The following EIF4G3 variants were observed in gnomAD, a reference collection of about 807,000 sequenced individuals.
EIF4G3 encodes the protein eukaryotic translation initiation factor 4 gamma 3.
A neutral mutation model predicts 186.4 loss-of-function variants in EIF4G3; 34 were observed. The observed-to-expected ratio is 0.18, with a 90% CI of 0.14 to 0.24. The LOEUF (loss-of-function observed/expected upper bound fraction) is 0.24. EIF4G3 is among the 10% of genes least tolerant of loss of function. The pLI is 1.00. For missense variants in EIF4G3, 1,536 were observed against 1,948.5 expected (o/e 0.79, Z 3.99); for synonymous variants, 673 against 679.5 (o/e 0.99, Z 0.15).
intron 13 of EIF4G3, among the ~76,000 whole-genome samples, chr1:20,943,968 TTTTTTTTGTGTGTGTG>T (rs2095822045): frequency 1.7e-4 from 2 of 11,952 alleles, no homozygotes; most frequent in Non-Finnish European, 3.6e-4. Context: ...CTTGTCTTTA[TTTTTTTTGTGTGTGTG>T]TGTGTGTGTG....
intron 19 of EIF4G3, among the ~76,000 whole-genome samples, 195 bp downstream of exon 19, chr1:20,886,006 T>C (rs938526298): frequency 2.0e-5 from 3 of 152,114 alleles, no homozygotes; most frequent in African/African-American, 7.2e-5. Context: ...TCTGAAAAAA[T>C]ACACATAAAG....
intron 18 of EIF4G3, among the ~76,000 whole-genome samples, chr1:20,890,558 C>A (rs1036613137): frequency 6.6e-6 from 1 of 152,088 alleles, no homozygotes; most frequent in Non-Finnish European, 1.5e-5. Flanking sequence ...CAGGCTCAGG[C>A]AATCCTCCCA....
intron 20 of EIF4G3, among the ~76,000 whole-genome samples, chr1:20,871,021 A>G (rs1420320363): frequency 1.3e-5 from 2 of 152,206 alleles, no homozygotes; most frequent in African/African-American, 4.8e-5. Flanking sequence ...GGGAAAGCTG[A>G]ATCCATTATA....
At chr1:21,072,638 G>A (rs932719931) in intron 3 of EIF4G3, among the ~76,000 whole-genome samples, 4 of 152,042 alleles carry the variant, frequency 2.6e-5, no homozygotes, top group African/African-American at 4.8e-5. Flanking sequence ...TCCTGACCTC[G>A]TGACCCGCCC....
chr1:21,174,440 C>A (rs2103104637), intron 2 of EIF4G3, among the ~76,000 whole-genome samples: 1 of 152,296 alleles, frequency 6.6e-6, no homozygotes, highest in East Asian at 1.9e-4. Context: ...ACATCAAGGA[C>A]ACCTACTACA....
At chr1:21,096,987 G>A (rs1267586528) in intron 2 of EIF4G3, among the ~76,000 whole-genome samples, 4 of 152,156 alleles carry the variant, frequency 2.6e-5, no homozygotes, top group African/African-American at 9.7e-5. Flanking sequence ...ACTGCATGAT[G>A]TGAATTTACT....
At chr1:20,849,885 C>A (rs2072698090) in intron 28 of EIF4G3, among the ~76,000 whole-genome samples, 1 of 152,202 alleles carries the variant, frequency 6.6e-6, no homozygotes. Flanking sequence ...TTGAGCCACA[C>A]TGATCTTGGG....
intron 14 of EIF4G3, among the ~76,000 whole-genome samples, chr1:20,923,092 C>T (rs543677514): frequency 6.6e-6 from 1 of 152,124 alleles, no homozygotes; most frequent in Non-Finnish European, 1.5e-5. Flanking sequence ...CTTCAAAACG[C>T]TTCCCCACTC....
intron 2 of EIF4G3, among the ~76,000 whole-genome samples, chr1:21,137,025 A>C (rs1412890022): frequency 7.7e-6 from 1 of 130,432 alleles, no homozygotes; most frequent in Non-Finnish European, 1.6e-5. Context: ...ATATTGAGTC[A>C]AATATTATTA....
At chr1:20,939,208 T>C (rs975160326) in intron 14 of EIF4G3, among the ~76,000 whole-genome samples, 1 of 150,514 alleles carries the variant, frequency 6.6e-6, no homozygotes, top group African/African-American at 2.4e-5. Context: ...ACAAGGAAAT[T>C]ATAAAACTTG....
intron 25 of EIF4G3, among the ~76,000 whole-genome samples, chr1:20,855,885 C>T (rs10916881): frequency 0.022 from 3,373 of 152,214 alleles, 113 homozygotes; most frequent in African/African-American, 0.075. Context: ...TAGCAATTTA[C>T]ATACTTAAAA....
chr1:21,041,243 C>A (rs2093562621), intron 4 of EIF4G3, among the ~76,000 whole-genome samples: 1 of 152,094 alleles, frequency 6.6e-6, no homozygotes, highest in African/African-American at 2.4e-5. Flanking sequence ...ATTACCTCCG[C>A]ATCCTCCTTT....
chr1:21,011,057 A>C (rs1430544879), intron 4 of EIF4G3, among the ~76,000 whole-genome samples: 1 of 152,216 alleles, frequency 6.6e-6, no homozygotes, highest in East Asian at 1.9e-4. Context: ...TAGAAAAGCA[A>C]GGTGGATGTA....
At chr1:21,167,896 A>G in intron 2 of EIF4G3, 1 of 299,944 alleles carries the variant, frequency 3.3e-6, no homozygotes. Flanking sequence ...TGTTACACTG[A>G]GTTTTAATCT....
intron 10 of EIF4G3, among the ~76,000 whole-genome samples, chr1:20,975,196 A>C (rs2076614030): frequency 6.6e-6 from 1 of 152,196 alleles, no homozygotes; most frequent in Admixed American, 6.5e-5. Context: ...ACTATTCTCA[A>C]AGCAGAACTC....
chr1:21,081,196 G>C (rs1049441648), intron 3 of EIF4G3, among the ~76,000 whole-genome samples: 2 of 152,194 alleles, frequency 1.3e-5, no homozygotes. Context: ...ACTTTGGGAG[G>C]CCGAGGCGGG....
At chr1:21,102,724 T>C (rs1313123841) in intron 2 of EIF4G3, among the ~76,000 whole-genome samples, 3 of 152,232 alleles carry the variant, frequency 2.0e-5, no homozygotes, top group Non-Finnish European at 4.4e-5. Context: ...CAGGTATTCT[T>C]TATAGTCATC....
chr1:21,011,989 T>C (rs1476677110), intron 4 of EIF4G3, among the ~76,000 whole-genome samples: 6 of 152,176 alleles, frequency 3.9e-5, no homozygotes, highest in Admixed American at 3.3e-4. Context: ...TTTTTATTAG[T>C]AGATACAATG....
At chr1:20,891,510 C>T (rs568645494) in intron 18 of EIF4G3, among the ~76,000 whole-genome samples, 4 of 151,678 alleles carry the variant, frequency 2.6e-5, no homozygotes, top group Non-Finnish European at 2.9e-5. Context: ...CAGTGGCTCA[C>T]GCCTGTCATC....
Sources: gnomAD v4.1 joint callset for allele counts (sites outside exome capture counted in the v4.1 genomes callset) on GRCh38, gnomAD v4.1.1 for gene constraint, MANE v1.5 for transcripts, NCBI Gene and HGNC (gene_info 2026-07-23, HGNC 2026-07-21) for gene names.